The following ZNF69 variants were observed in gnomAD, a reference collection of about 807,000 sequenced individuals.
The protein encoded by ZNF69 is zinc finger protein 69.
A neutral mutation model predicts 50.9 loss-of-function variants in ZNF69; 47 were observed. The observed-to-expected ratio is 0.92, with a 90% CI of 0.73 to 1.18. ZNF69 has a LOEUF of 1.18. Ranked by LOEUF, ZNF69 falls within the 50% of genes most tolerant of loss-of-function variation. The pLI, the probability that ZNF69 is intolerant of heterozygous loss-of-function variation, is 0.00. For missense variants in ZNF69, 717 were observed against 675.1 expected (o/e 1.06, Z -0.69); for synonymous variants, 216 against 223.1 (o/e 0.97, Z 0.29).
the ZNF69 span, among the ~76,000 whole-genome samples, chr19:11,970,466 A>C: frequency 5.9e-5 from 9 of 152,236 alleles, no homozygotes; most frequent in Non-Finnish European, 1.2e-4. Flanking sequence ...GGTAACATAT[A>C]AATAAAAGAA....
intron 1 of ZNF69, among the ~76,000 whole-genome samples, chr19:11,894,337 T>C (rs1228481624): frequency 6.6e-6 from 1 of 152,170 alleles, no homozygotes; most frequent in Non-Finnish European, 1.5e-5. Context: ...AGACAGGATT[T>C]CACCATGTTA....
At chr19:11,926,043 TGA>T in the ZNF69 span, among the ~76,000 whole-genome samples, 1 of 152,056 alleles carries the variant, frequency 6.6e-6, no homozygotes, top group Non-Finnish European at 1.5e-5. Context: ...GGCAGCTGGT[TGA>T]GAGTGTGAAG....
In ZNF69 at chr19:11,887,815, C is replaced by T. The variant is rs928108966; in HGVS notation, c.-109C>T. 7 of 926,548 alleles carry T rather than the reference C, an allele frequency of 7.6e-6. No homozygotes were observed. Among genetic ancestry groups the T allele is most frequent in the South Asian group, 3.0e-5 (2 of 67,716 alleles). 57.4% of individuals were successfully genotyped at this position (926,548 alleles called of 1,614,324 possible). ...TCCAGACACTGAGGGGGTCGCATTC[C>T]TTACCTCACCTTTGTCCCTGCGCGG... On this transcript the variant is annotated 5_prime_UTR_variant, in exon 1 of 4. Transcript: ENST00000429654.
chr19:11,948,450 T>C, the ZNF69 span: 2 of 1,614,120 alleles, frequency 1.2e-6, no homozygotes, highest in Non-Finnish European at 1.7e-6. Flanking sequence ...CATCTTTTAA[T>C]ATGAGCATCA....
At chr19:11,922,484 G>A in the ZNF69 span, among the ~76,000 whole-genome samples, 1 of 152,162 alleles carries the variant, frequency 6.6e-6, no homozygotes, top group East Asian at 1.9e-4. Context: ...CCACAACAAT[G>A]GGATTCTAGG....
chr19:11,917,344 A>C (rs903758080), downstream of ZNF69, among the ~76,000 whole-genome samples: 2 of 152,214 alleles, frequency 1.3e-5, no homozygotes, highest in Non-Finnish European at 2.9e-5. Context: ...TGGTGGAAGG[A>C]CTGTGTCCAC....
In ZNF69 at chr19:11,905,343, C is replaced by A; in HGVS notation, c.946C>A (p.Pro316Thr). 6.2e-7 allele frequency: 1 copy of A among 1,613,948 alleles called. No individual in the cohort carries two copies. The highest frequency in any genetic ancestry group is 8.5e-7 in the Non-Finnish European group (1 of 1,180,008). ...CKECGKAFTC[P>T]QYVRIHERTH... ...GGAATGTGGAAAAGCATTCACGTGTCCCCAGTATGTTCGTATACATGAAAG... is the reference window on the plus strand; with the variant it reads ...GGAATGTGGAAAAGCATTCACGTGTACCCAGTATGTTCGTATACATGAAAG... The change falls in exon 4 of 4, where the codon CCC becomes ACC. Residue 316 changes from proline (P) to threonine (T), a missense_variant. By Grantham distance (38) the Pro-to-Thr change is conservative. Coordinates refer to ENST00000429654, the MANE Select transcript of ZNF69 (RefSeq NM_001364730.1).
At chr19:11,924,872 T>G in the ZNF69 span, among the ~76,000 whole-genome samples, 1 of 152,230 alleles carries the variant, frequency 6.6e-6, no homozygotes, top group Non-Finnish European at 1.5e-5. Context: ...TAGTGTTCTC[T>G]TCTATCAATA....
chr19:11,910,204 C>G (rs565599045), downstream of ZNF69, among the ~76,000 whole-genome samples: 1 of 152,182 alleles, frequency 6.6e-6, no homozygotes, highest in African/African-American at 2.4e-5. Flanking sequence ...ATTCCATGCT[C>G]GTGGATAGGA....
chr19:11,908,502 C>A (rs923076979), downstream of ZNF69, among the ~76,000 whole-genome samples: 1 of 152,136 alleles, frequency 6.6e-6, no homozygotes, highest in Non-Finnish European at 1.5e-5. Context: ...CAAACTAGAA[C>A]TCAGGATTAA....
the ZNF69 span, among the ~76,000 whole-genome samples, chr19:11,936,555 T>A: frequency 6.6e-6 from 1 of 152,168 alleles, no homozygotes; most frequent in Non-Finnish European, 1.5e-5. Context: ...TTCTTGTAAG[T>A]TTGTTTGAGT....
chr19:11,941,660 T>A, the ZNF69 span, among the ~76,000 whole-genome samples: 2 of 151,848 alleles, frequency 1.3e-5, no homozygotes, highest in Non-Finnish European at 2.9e-5. Context: ...CAGCCCCAGT[T>A]CCCGCTCGCG....
At position 11,905,567 on chromosome 19, in the gene ZNF69, C is replaced by T. The variant is rs917996061; in HGVS notation, c.1170C>T (p.Cys390=). 1.9e-6 allele frequency: 3 copies of T among 1,613,488 alleles called. No homozygotes were observed. The South Asian group carries it at 3.3e-5, about 18-fold the overall frequency. ...ACAGTGGAGAGAAACCCTATAAATG[C>T]AAGCAATGTGGTAAAGCCTTCATTC... is the stretch of plus-strand genomic sequence containing the variant. The part of the protein sequence containing the change: ...KTHSGEKPYK[C]KQCGKAFIHS... The change falls in exon 4 of 4, where the codon TGC becomes TGT. Residue 390 remains cysteine (C), a synonymous_variant. Coordinates refer to ENST00000429654, the MANE Select transcript of ZNF69 (RefSeq NM_001364730.1).
downstream of ZNF69, among the ~76,000 whole-genome samples, chr19:11,908,316 G>A (rs1972408726): frequency 6.6e-6 from 1 of 152,216 alleles, no homozygotes; most frequent in Admixed American, 6.5e-5. Context: ...TCTGCACCAA[G>A]AGGACCTAAT....
chr19:11,976,309 G>A, the ZNF69 span, among the ~76,000 whole-genome samples: 1 of 151,540 alleles, frequency 6.6e-6, no homozygotes, highest in Admixed American at 6.6e-5. Context: ...AGCCCAGGCA[G>A]CTCCCTTTTC....
At chr19:11,940,164 AG>A in the ZNF69 span, 2 of 152,132 alleles carry the variant, frequency 1.3e-5, no homozygotes, top group African/African-American at 2.4e-5. Context: ...CTCCAACCTC[AG>A]GTGATCGACC....
At chr19:11,956,725 T>A in the ZNF69 span, 1 of 387,950 alleles carries the variant, frequency 2.6e-6, no homozygotes, top group Non-Finnish European at 4.6e-6. Context: ...GTGTAGGGGC[T>A]CAAGCCTGTA....
chr19:11,932,029 C>T, the ZNF69 span, among the ~76,000 whole-genome samples: 11 of 147,548 alleles, frequency 7.5e-5, 1 homozygote, highest in Non-Finnish European at 1.6e-4. Context: ...GCAGGAGAAT[C>T]GCTTGAACCT....
intron 1 of ZNF69, among the ~76,000 whole-genome samples, chr19:11,901,711 C>T (rs746438806): frequency 1.3e-5 from 2 of 151,756 alleles, no homozygotes; most frequent in South Asian, 2.1e-4. Flanking sequence ...CTCAAACTGC[C>T]GACCTCAAGT....
Sources: allele counts gnomAD v4.1 joint callset (sites outside exome capture counted in the v4.1 genomes callset), GRCh38; gene constraint gnomAD v4.1.1; transcripts MANE v1.5; gene names NCBI Gene and HGNC (gene_info 2026-07-23, HGNC 2026-07-21).